Variants in SLCO4A1 observed in about 807,000 individuals in gnomAD.
SLCO4A1 encodes solute carrier organic anion transporter family member 4A1, also known as colon organic anion transporter.
SLCO4A1 carries 51 observed loss-of-function variants against 64.6 expected under a neutral mutation model. That is an observed-to-expected ratio of 0.79 (90% CI 0.63 to 1.00). The LOEUF is 1.00. Ranked by LOEUF, SLCO4A1 falls within the 50% of genes least tolerant of loss-of-function variation. The probability of loss-of-function intolerance (pLI) is 0.00; values close to 1 mark genes in which losing one functional copy is unlikely to be tolerated. For synonymous variants in SLCO4A1, 471 were observed against 444.9 expected, an observed-to-expected ratio of 1.06 and a Z score of -0.74; for missense variants, 919 against 980.5, an observed-to-expected ratio of 0.94 and a Z score of 0.84.
At chr20:62,679,505 G>A (rs554323483) in intron 2 of SLCO4A1, among the ~76,000 whole-genome samples, 1 of 152,052 alleles carries the variant, frequency 6.6e-6, no homozygotes, top group African/African-American at 2.4e-5. Flanking sequence ...GGAAGTACAG[G>A]CACATAACCA....
At chr20:62,669,648 A>G (rs1025846564) in intron 11 of SLCO4A1, among the ~76,000 whole-genome samples, 2 of 152,186 alleles carry the variant, frequency 1.3e-5, no homozygotes, top group African/African-American at 2.4e-5. Context: ...ATTTGCCCCC[A>G]TTAGACGATA....
At position 62,644,600 on chromosome 20, in the gene SLCO4A1, G is replaced by A. The variant is rs1980988834; in HGVS notation, c.-97+2047G>A. 6.6e-6 allele frequency among the ~76,000 whole-genome samples: 1 copy of A among 152,244 alleles called. No homozygotes were observed. Among genetic ancestry groups the A allele is most frequent in the African/African-American group, 2.4e-5 (1 of 41,472 alleles). On this transcript the variant is annotated intron_variant, in intron 1 of 11. Transcript: ENST00000217159. This position sits in a 1 kb window ranked among gnomAD's most constrained non-coding sequence, Gnocchi z 5.4. The stretch of plus-strand genomic sequence containing the variant: ...TTGACCAAGCCCCATTGCAGTTTTG[G>A]CTCCAGGTCGGTCTGACTTCCAAAT...
At position 62,648,110 on chromosome 20, in the gene SLCO4A1, G is replaced by A. The variant is rs140199029; in HGVS notation, c.-97+5557G>A. Among the ~76,000 whole-genome samples, 835 of 152,376 alleles carry A rather than the reference G, an allele frequency of 5.5e-3. 12 individuals are homozygous for A. The highest frequency in any genetic ancestry group is 0.019 in the African/African-American group (790 of 41,592). On this transcript the variant is annotated intron_variant, in intron 1 of 11. Coordinates refer to ENST00000217159, the MANE Select transcript of SLCO4A1 (RefSeq NM_016354.4). ...GGGACACATTATCCCCCGGCTGATCGCCTTGGCCTAATTCACACCCTGGCT... is the reference window on the plus strand; with the variant it reads ...GGGACACATTATCCCCCGGCTGATCACCTTGGCCTAATTCACACCCTGGCT...
Position 62,668,365 on chromosome 20 carries a change from G to GT in SLCO4A1, c.1812-112_1812-111insT, listed in dbSNP as rs1185682102. On this transcript the variant is annotated intron_variant, in intron 9 of 11. Coordinates refer to ENST00000217159, the MANE Select transcript of SLCO4A1 (RefSeq NM_016354.4). ...TCTCTGACGAGGGGCTTCCCACTTG[G>GT]GGGGGGGTGATGATGTGGCTGGGGA... 2.3e-6 allele frequency: 3 copies of GT among 1,300,008 alleles called. No individual in the cohort carries two copies. The African/African-American group carries it at 4.4e-5, about 19-fold the overall frequency. The allele number at this position is 1,300,008 out of a possible 1,614,324, so 80.5% of individuals were successfully genotyped here. A position where few individuals can be genotyped will look rare whatever the true frequency, so the allele number is the denominator to read the frequency against.
chr20:62,689,327 CCTCGCAGGCCTGT>C (rs1378047284), downstream of SLCO4A1, among the ~76,000 whole-genome samples: 1 of 152,224 alleles, frequency 6.6e-6, no homozygotes, highest in African/African-American at 2.4e-5. Flanking sequence ...GTGCCCCGTG[CCTCGCAGGCCTGT>C]CTCTTGGGCA....
chr20:62,671,574 G>A (rs574522503), intron 11 of SLCO4A1, among the ~76,000 whole-genome samples, 176 bp from the exon 12 acceptor site: 467 of 152,096 alleles, frequency 3.1e-3, no homozygotes, highest in Non-Finnish European at 4.0e-3. Context: ...CAATATTGGC[G>A]TCTGCTCTAC....
At chr20:62,647,340 G>A (rs996320780) in intron 1 of SLCO4A1, among the ~76,000 whole-genome samples, 1 of 152,188 alleles carries the variant, frequency 6.6e-6, no homozygotes, top group Non-Finnish European at 1.5e-5. Context: ...GCATGTGGCT[G>A]TGGCTGGCAG....
intron 2 of SLCO4A1, 77 bp from the exon 3 acceptor site, chr20:62,658,600 A>C (rs1984187255): frequency 1.7e-6 from 2 of 1,183,122 alleles, no homozygotes; most frequent in Non-Finnish European, 2.4e-6. Flanking sequence ...GGCTTCTCCC[A>C]GGCACGGGGC....
At chr20:62,665,234 C>T (rs1028857471) in intron 6 of SLCO4A1, 146 bp downstream of exon 6, 14 of 867,168 alleles carry the variant, frequency 1.6e-5, no homozygotes, top group African/African-American at 1.2e-4. Context: ...GTGTGGAGAG[C>T]GCCACGGGGG....
intron 2 of SLCO4A1, among the ~76,000 whole-genome samples, chr20:62,682,808 C>G (rs961834668): frequency 2.0e-5 from 3 of 152,222 alleles, no homozygotes; most frequent in Admixed American, 1.3e-4. Context: ...GTGTCCCCAT[C>G]TGTGAATGGG....
chr20:62,677,891 C>T (rs776368731), intron 2 of SLCO4A1, among the ~76,000 whole-genome samples: 6 of 152,268 alleles, frequency 3.9e-5, no homozygotes, highest in Non-Finnish European at 8.8e-5. Flanking sequence ...GTCTTGGGTG[C>T]TCCAGTCCCC....
chr20:62,652,597 T>C (rs1982794320), intron 1 of SLCO4A1, among the ~76,000 whole-genome samples: 1 of 152,202 alleles, frequency 6.6e-6, no homozygotes, highest in Admixed American at 6.5e-5. Flanking sequence ...CGTGGGTGGC[T>C]CTCTGCCCCT....
intron 2 of SLCO4A1, among the ~76,000 whole-genome samples, chr20:62,681,015 T>C (rs1987800628): frequency 6.6e-6 from 1 of 152,170 alleles, no homozygotes; most frequent in Non-Finnish European, 1.5e-5. Flanking sequence ...AGGGCTCAGC[T>C]GATCCTCCCA....
At chr20:62,678,023 T>C (rs1375466179) in intron 2 of SLCO4A1, among the ~76,000 whole-genome samples, 2 of 152,198 alleles carry the variant, frequency 1.3e-5, no homozygotes, top group Admixed American at 1.3e-4. Flanking sequence ...GGGCCTCTGC[T>C]GTCAGTAAAG....
chr20:62,669,104 AG>A (rs751334407), intron 11 of SLCO4A1, 26 bp downstream of exon 11: 2 of 1,603,096 alleles, frequency 1.2e-6, no homozygotes, highest in Non-Finnish European at 1.7e-6. Flanking sequence ...GAGGGGACAG[AG>A]GGTCTGCTCT....
Position 62,666,897 on chromosome 20 carries a change from GTC to G in SLCO4A1, c.1472+327_1472+328del, listed in dbSNP as rs1323886626. Among the ~76,000 whole-genome samples the G allele has an allele frequency of 2.6e-5, 4 of 152,306 alleles. No individual in the cohort carries two copies. The East Asian group carries it at 7.7e-4, about 29-fold the overall frequency. On this transcript the variant is annotated intron_variant, in intron 7 of 11. Transcript: ENST00000217159. ...CTAGTGTTCGGGGTCCTTGAGGCTGGTCTCTCGGTGACATAAAAAGTGTCCCA... is the reference window on the plus strand; with the variant it reads ...CTAGTGTTCGGGGTCCTTGAGGCTGGTCTCGGTGACATAAAAAGTGTCCCA...
chr20:62,654,111 C>G (rs1441497234), intron 1 of SLCO4A1, among the ~76,000 whole-genome samples: 1 of 152,156 alleles, frequency 6.6e-6, no homozygotes, highest in East Asian at 1.9e-4. Context: ...GCTGTGCTCC[C>G]CCTGGGGCTC....
In SLCO4A1 at chr20:62,656,487, C is replaced by G; in HGVS notation, c.33C>G (p.Leu11=). 6.6e-7 allele frequency: 1 copy of G among 1,524,656 alleles called. No individual in the cohort carries two copies. Among genetic ancestry groups the G allele is most frequent in the South Asian group, 1.2e-5 (1 of 81,998 alleles). 94.4% of individuals were successfully genotyped at this position (1,524,656 alleles called of 1,614,324 possible). A position where few individuals can be genotyped will look rare whatever the true frequency, so the allele number is the denominator to read the frequency against. MPLHQLGDKP[L]TFPSPNSAME... is the part of the protein sequence containing the mutation. ...TGCATCAGCTGGGGGACAAGCCGCT[C>G]ACCTTCCCCAGCCCCAACTCAGCCA... is the stretch of plus-strand genomic sequence containing the variant. Residue 11 remains leucine (L), a synonymous_variant, in exon 2 of 12, where the codon CTC becomes CTG. Coordinates refer to ENST00000217159, the MANE Select transcript of SLCO4A1 (RefSeq NM_016354.4).
At position 62,679,520 on chromosome 20, in the gene SLCO4A1, G is replaced by A. The variant is rs574100608; in HGVS notation, n.212-5921G>A. On this transcript the variant is annotated intron_variant and non_coding_transcript_variant, in intron 2 of 2. Coordinates refer to the SLCO4A1 transcript ENST00000466818. ...GGAAGTACAGGCACATAACCACCAC[G>A]CCCAGCTAATTTTTGTATTTTTTGT... Among the ~76,000 whole-genome samples, 530 of 152,062 alleles carry A rather than the reference G, an allele frequency of 3.5e-3. 4 individuals are homozygous for A. Among genetic ancestry groups the A allele is most frequent in the Non-Finnish European group, 6.0e-3 (408 of 67,966 alleles).
Sources: gnomAD v4.1 joint callset for allele counts (sites outside exome capture counted in the v4.1 genomes callset) on GRCh38, gnomAD v4.1.1 for gene constraint, Gnocchi (gnomAD v3.1) non-coding constraint, MANE v1.5 for transcripts, NCBI Gene and HGNC (gene_info 2026-07-23, HGNC 2026-07-21) for gene names.